Variants in DLG1 observed in about 807,000 individuals in gnomAD.
DLG1 encodes disks large homolog 1.
In DLG1, 42 loss-of-function variants were observed where a neutral mutation model predicts 123.4. The observed-to-expected ratio is 0.34, with a 90% CI of 0.27 to 0.44. The LOEUF (loss-of-function observed/expected upper bound fraction) is 0.44, where lower values mean the gene tolerates loss of function less well. DLG1 is among the 20% of genes least tolerant of loss of function. The pLI is 1.00. For missense variants in DLG1, 942 were observed against 1,082.6 expected, an observed-to-expected ratio of 0.87 and a Z score of 1.82; for synonymous variants, 317 against 356.2, an observed-to-expected ratio of 0.89 and a Z score of 1.24.
intron 17 of DLG1, among the ~76,000 whole-genome samples, chr3:197,078,689 CGA>C (rs1023167320): frequency 1.3e-5 from 2 of 151,914 alleles, no homozygotes; most frequent in African/African-American, 4.8e-5. Flanking sequence ...AGGAGATAGA[CGA>C]GAAAGTGTTT....
chr3:197,130,999 A>G (rs1782171251), intron 10 of DLG1, among the ~76,000 whole-genome samples: 1 of 152,200 alleles, frequency 6.6e-6, no homozygotes, highest in Admixed American at 6.5e-5. Flanking sequence ...ATGAAAACAT[A>G]CTAAAATTTT....
intron 24 of DLG1, among the ~76,000 whole-genome samples, chr3:197,045,129 G>C (rs1722022245): frequency 6.6e-6 from 1 of 151,448 alleles, no homozygotes; most frequent in Non-Finnish European, 1.5e-5. Flanking sequence ...TTTGGGGTAG[G>C]ATCTTGGGGG....
intron 18 of DLG1, among the ~76,000 whole-genome samples, chr3:197,073,501 G>A (rs1745342748): frequency 6.6e-6 from 1 of 152,134 alleles, no homozygotes; most frequent in African/African-American, 2.4e-5. Flanking sequence ...GCATGAAAGC[G>A]GCACGGGTTT....
intron 11 of DLG1, among the ~76,000 whole-genome samples, chr3:197,126,369 AG>A (rs1779106088): frequency 6.6e-6 from 1 of 152,036 alleles, no homozygotes; most frequent in Admixed American, 6.6e-5. Context: ...CCAGCTACTG[AG>A]GCAAGAGAAT....
chr3:197,055,848 G>A (rs1731308251), intron 23 of DLG1, among the ~76,000 whole-genome samples: 1 of 152,182 alleles, frequency 6.6e-6, no homozygotes, highest in South Asian at 2.1e-4. Flanking sequence ...TTGTAACAGT[G>A]GCAGTGGGGT....
intron 11 of DLG1, among the ~76,000 whole-genome samples, chr3:197,125,906 C>A (rs1304227233): frequency 1.3e-5 from 2 of 152,136 alleles, no homozygotes; most frequent in Non-Finnish European, 2.9e-5. Context: ...AGAGAGTAAG[C>A]TGAATAGCCT....
Position 197,118,780 on chromosome 3 carries a change from G to T in DLG1, c.1286+630C>A, listed in dbSNP as rs187210940. ...AGTTAATCTATACATTTCAGTGCAG[G>T]TAGTAATTTTAGATGAAAGTAAATT... On this transcript the variant is annotated intron_variant, in intron 12 of 24. Coordinates refer to ENST00000667157, the MANE Select transcript of DLG1 (RefSeq NM_001366207.1). 2.5e-3 allele frequency among the ~76,000 whole-genome samples: 376 copies of T among 152,212 alleles called. 3 individuals carry two copies. The highest frequency in any genetic ancestry group is 4.3e-3 in the Non-Finnish European group (290 of 68,004).
At chr3:197,212,778 T>A (rs1296877988) in intron 4 of DLG1, among the ~76,000 whole-genome samples, 3 of 152,198 alleles carry the variant, frequency 2.0e-5, no homozygotes, top group Non-Finnish European at 4.4e-5. Flanking sequence ...GACTCCAACA[T>A]ATCTTTTTTT....
chr3:197,128,907 T>C (rs1781132193), intron 11 of DLG1, among the ~76,000 whole-genome samples: 1 of 152,128 alleles, frequency 6.6e-6, no homozygotes, highest in African/African-American at 2.4e-5. Flanking sequence ...AACCATGCTG[T>C]CAACAGATAT....
chr3:197,240,887 A>G (rs1057438351), intron 4 of DLG1, among the ~76,000 whole-genome samples: 1 of 149,768 alleles, frequency 6.7e-6, no homozygotes, highest in Non-Finnish European at 1.5e-5. Context: ...ATGAAAAGCA[A>G]CAAAGATTGC....
At chr3:197,110,752 GGT>G (rs1368825927) in intron 13 of DLG1, among the ~76,000 whole-genome samples, 2 of 152,108 alleles carry the variant, frequency 1.3e-5, no homozygotes, top group Admixed American at 1.3e-4. Flanking sequence ...TTAGCTTAGT[GGT>G]TAATGACTGA....
At chr3:197,091,162 T>C (rs1757519883) in intron 14 of DLG1, 136 bp from the exon 15 acceptor site, 1 of 524,740 alleles carries the variant, frequency 1.9e-6, no homozygotes, top group Admixed American at 3.4e-5. Context: ...ATGCGAAAGA[T>C]TTTGCCCAAC....
chr3:197,224,837 C>G (rs1738947298), intron 4 of DLG1, among the ~76,000 whole-genome samples: 1 of 151,946 alleles, frequency 6.6e-6, no homozygotes, highest in Non-Finnish European at 1.5e-5. Flanking sequence ...TTCAGTCATA[C>G]AAAAACTAAA....
chr3:197,297,155 T>C, intron 2 of DLG1, 31 bp downstream of exon 2: 15 of 1,613,470 alleles, frequency 9.3e-6, no homozygotes, highest in Non-Finnish European at 1.3e-5. Flanking sequence ...GCAAGTGACA[T>C]CGACAACAGA....
Position 197,065,428 on chromosome 3 carries a change from C to T in DLG1, c.2221G>A (p.Asp741Asn). ...CVPHTTRPKR[D>N]YEVDGRDYHF... ...TAATCTCTTCCATCTACCTCATAAT[C>T]TCGTTTTGGTCTAGTTGTATCTTTA... is the stretch of plus-strand genomic sequence containing the variant. Residue 741 changes from aspartate (D) to asparagine (N), a missense_variant, in exon 22 of 25, where the codon GAT (aspartate) becomes AAT (asparagine). Coordinates refer to ENST00000667157, the MANE Select transcript of DLG1 (RefSeq NM_001366207.1). 1 of 1,609,600 alleles carries T rather than the reference C, an allele frequency of 6.2e-7. No individual in the cohort carries two copies. The highest frequency in any genetic ancestry group is 1.7e-4 in the Middle Eastern group (1 of 6,040).
chr3:197,292,780 T>G (rs754963034), intron 3 of DLG1, among the ~76,000 whole-genome samples: 2 of 152,192 alleles, frequency 1.3e-5, no homozygotes, highest in African/African-American at 2.4e-5. Flanking sequence ...AAACACTGCA[T>G]TAGAATAAGC....
chr3:197,233,439 T>A (rs1744296499), intron 4 of DLG1, among the ~76,000 whole-genome samples: 1 of 152,346 alleles, frequency 6.6e-6, no homozygotes, highest in African/African-American at 2.4e-5. Flanking sequence ...CAGGCTGGTG[T>A]GCAGTGGTGG....
intron 18 of DLG1, among the ~76,000 whole-genome samples, chr3:197,076,381 A>G (rs1342524736): frequency 2.0e-5 from 3 of 152,210 alleles, no homozygotes; most frequent in African/African-American, 7.2e-5. Context: ...CTGAAAAATA[A>G]TGTTTGCTTT....
At chr3:197,076,542 C>T (rs776426375) in intron 18 of DLG1, 44 bp downstream of exon 18, 2 of 1,484,246 alleles carry the variant, frequency 1.3e-6, no homozygotes, top group Admixed American at 3.4e-5. Flanking sequence ...CAGTAGGTCC[C>T]TCTCCATTTT....
Sources: allele counts gnomAD v4.1 joint callset (sites outside exome capture counted in the v4.1 genomes callset), GRCh38; gene constraint gnomAD v4.1.1; transcripts MANE v1.5; gene names NCBI Gene and HGNC (gene_info 2026-07-23, HGNC 2026-07-21).